The following FBXO41 variants were observed in gnomAD, a reference collection of about 807,000 sequenced individuals.
FBXO41 encodes F-box only protein 41.
FBXO41 carries 33 observed loss-of-function variants against 81.6 expected under a neutral mutation model. That is an observed-to-expected ratio of 0.40 (90% CI 0.31 to 0.54). FBXO41 has a LOEUF of 0.54. FBXO41 is among the 20% of genes least tolerant of loss of function. The probability of loss-of-function intolerance (pLI) is 0.39; values close to 1 mark genes in which losing one functional copy is unlikely to be tolerated. For missense variants in FBXO41, 1,107 were observed against 1,236.0 expected, an observed-to-expected ratio of 0.90 and a Z score of 1.56; for synonymous variants, 576 against 552.7, an observed-to-expected ratio of 1.04 and a Z score of -0.59.
chr2:73,265,853 G>T (rs944444005), intron 4 of FBXO41, 40 bp downstream of exon 4: 35 of 1,553,998 alleles, frequency 2.3e-5, no homozygotes, highest in Non-Finnish European at 3.0e-5. Flanking sequence ...CTTCCAGGGT[G>T]AGGGTGGGCT....
chr2:73,279,924 C>T (rs2103917211), intron 1 of FBXO41, among the ~76,000 whole-genome samples: 1 of 152,202 alleles, frequency 6.6e-6, no homozygotes, highest in South Asian at 2.1e-4. Flanking sequence ...TTAAAAAATG[C>T]TTCTTAGAAG....
chr2:73,264,076 T>C (rs1392992304), intron 6 of FBXO41, 23 bp from the exon 7 acceptor site: 4 of 1,569,992 alleles, frequency 2.5e-6, no homozygotes, highest in Non-Finnish European at 3.5e-6. Context: ...GGAAGGACAT[T>C]TGGAGATGAA....
intron 1 of FBXO41, among the ~76,000 whole-genome samples, chr2:73,277,339 G>A (rs1278363954): frequency 1.3e-5 from 2 of 152,176 alleles, no homozygotes; most frequent in African/African-American, 4.8e-5. Flanking sequence ...CAGGCAAGAG[G>A]GCAATAAAGG....
At position 73,269,949 on chromosome 2, in the gene FBXO41, C is replaced by G. The variant is rs1688440631; in HGVS notation, c.-138-181G>C. Reference sequence around the variant, plus strand: ...GGGCCTGTATGTGTGCAAGAGACAGCGAGAGAATGAGATAATCTGTTTTTA... The same window carrying G: ...GGGCCTGTATGTGTGCAAGAGACAGGGAGAGAATGAGATAATCTGTTTTTA... On this transcript the variant is annotated intron_variant, in intron 1 of 12. Transcript: ENST00000520530. The surrounding 1 kb of genome is among the most constrained non-coding windows in gnomAD (Gnocchi z 7.0). Among the ~76,000 whole-genome samples the G allele has an allele frequency of 6.6e-6, 1 of 152,038 alleles. No homozygotes were observed. The highest frequency in any genetic ancestry group is 1.5e-5 in the Non-Finnish European group (1 of 68,004).
At chr2:73,281,066 C>T (rs1299921257) in intron 1 of FBXO41, among the ~76,000 whole-genome samples, 1 of 152,178 alleles carries the variant, frequency 6.6e-6, no homozygotes, top group African/African-American at 2.4e-5. Flanking sequence ...CTCAATGCTG[C>T]AGCTTTGCTC....
chr2:73,273,816 A>G (rs535512505), intron 1 of FBXO41, among the ~76,000 whole-genome samples: 1 of 152,166 alleles, frequency 6.6e-6, no homozygotes, highest in South Asian at 2.1e-4. Flanking sequence ...GTCTCTAGTA[A>G]TGAGACTCCA....
At chr2:73,273,997 T>C (rs1186594144) in intron 1 of FBXO41, among the ~76,000 whole-genome samples, 1 of 152,196 alleles carries the variant, frequency 6.6e-6, no homozygotes, top group Non-Finnish European at 1.5e-5. Context: ...TCCAAGTGCT[T>C]TCAACCCAAC....
intron 1 of FBXO41, among the ~76,000 whole-genome samples, chr2:73,283,176 C>T (rs375108297): frequency 2.6e-5 from 4 of 152,214 alleles, no homozygotes; most frequent in Non-Finnish European, 4.4e-5. Context: ...CCCTATTAGG[C>T]CCCTGTGGGT....
rs1688296636 is a variant in FBXO41, at chr2:73,266,785, T to C, written c.906-103A>G. 3.5e-6 allele frequency: 5 copies of C among 1,421,586 alleles called. No individual in the cohort carries two copies. The highest frequency in any genetic ancestry group is 1.5e-5 in the African/African-American group (1 of 68,182). 88.1% of individuals were successfully genotyped at this position (1,421,586 alleles called of 1,614,324 possible). On this transcript the variant is annotated intron_variant, in intron 2 of 12. Coordinates refer to ENST00000520530, the MANE Select transcript of FBXO41 (RefSeq NM_001371389.2). This position sits in a 1 kb window ranked among gnomAD's most constrained non-coding sequence, Gnocchi z 5.3. ...GCGGGGAGACACTGGCACAGCTGCC[T>C]GCGGTGTCTGCTTATGGTCACATGG...
chr2:73,269,936 G>A lies in FBXO41; in HGVS notation c.-138-168C>T, dbSNP rs181538694. On this transcript the variant is annotated intron_variant, in intron 1 of 12. Transcript: ENST00000520530. This position sits in a 1 kb window ranked among gnomAD's most constrained non-coding sequence, Gnocchi z 7.0. ...GGCACCTGTGCGAGGGCCTGTATGT[G>A]TGCAAGAGACAGCGAGAGAATGAGA... Among the ~76,000 whole-genome samples, 832 of 152,344 alleles carry A rather than the reference G, an allele frequency of 5.5e-3. 5 individuals are homozygous for A. Among genetic ancestry groups the A allele is most frequent in the Non-Finnish European group, 7.9e-3 (535 of 68,028 alleles).
In FBXO41 at chr2:73,255,463, G is replaced by A. The variant is rs1024943992; in HGVS notation, c.*3519C>T. On this transcript the variant is annotated 3_prime_UTR_variant, in exon 13 of 13. Coordinates refer to ENST00000520530, the MANE Select transcript of FBXO41 (RefSeq NM_001371389.2). ...CTGGGTGAGAAAGCATGGCCACTGG[G>A]TTGGAGAGAAGGGCCAGGCCCCCAG... 1.3e-5 allele frequency: 2 copies of A among 153,038 alleles called. No individual in the cohort carries two copies. Among genetic ancestry groups the A allele is most frequent in the Admixed American group, 1.3e-4 (2 of 15,294 alleles). The allele number at this position is 153,038 out of a possible 1,614,324, so 9.5% of individuals were successfully genotyped here.
intron 1 of FBXO41, among the ~76,000 whole-genome samples, chr2:73,282,073 C>T (rs1688864275): frequency 6.6e-6 from 1 of 152,180 alleles, no homozygotes; most frequent in African/African-American, 2.4e-5. Flanking sequence ...TGGCTCACCC[C>T]AACCTCTGCC....
At position 73,269,414 on chromosome 2, in the gene FBXO41, G is replaced by C. The variant is rs1009979196; in HGVS notation, c.217C>G (p.Leu73Val). The change falls in exon 2 of 13, where the codon CTG (leucine) becomes GTG (valine). Residue 73 changes from leucine to valine, a missense_variant. Leu to Val is a conservative substitution (Grantham distance 32). Coordinates refer to ENST00000520530, the MANE Select transcript of FBXO41 (RefSeq NM_001371389.2). The surrounding 1 kb of genome is among the most constrained non-coding windows in gnomAD (Gnocchi z 7.0). ...GFPLAPEPAA[L>V]LAVPGARREV... Reference sequence around the variant, plus strand: ...CGCCGGGCGCCGGGCACGGCCAGCAGGGCGGCGGGCTCGGGAGCCAGCGGG... The same window carrying C: ...CGCCGGGCGCCGGGCACGGCCAGCACGGCGGCGGGCTCGGGAGCCAGCGGG... 3 of 1,409,248 alleles carry C rather than the reference G, an allele frequency of 2.1e-6. No homozygotes were observed. The highest frequency in any genetic ancestry group is 3.0e-5 in the African/African-American group (2 of 66,466). 87.3% of individuals were successfully genotyped at this position (1,409,248 alleles called of 1,614,324 possible). A position where few individuals can be genotyped will look rare whatever the true frequency, so the allele number is the denominator to read the frequency against.
At position 73,265,322 on chromosome 2, in the gene FBXO41, C is replaced by A; in HGVS notation, c.1524G>T (p.Gly508=). The change falls in exon 5 of 13, where the codon GGG becomes GGT. Residue 508 remains glycine (G), a synonymous_variant. Coordinates refer to ENST00000520530, the MANE Select transcript of FBXO41 (RefSeq NM_001371389.2). ...TGCTCAATGGCCCAGCCATAGCAGGCCCGGGGCGGGGCGCATCCAACGGGC... is the reference window on the plus strand; with the variant it reads ...TGCTCAATGGCCCAGCCATAGCAGGACCGGGGCGGGGCGCATCCAACGGGC... ...AEGPLDAPRP[G]PAMAGPLSSC... 1 of 1,610,790 alleles carries A rather than the reference C, an allele frequency of 6.2e-7. No homozygotes were observed. The highest frequency in any genetic ancestry group is 1.1e-5 in the South Asian group (1 of 91,008).
chr2:73,259,375 A>G lies in FBXO41; in HGVS notation c.2450-79T>C. The stretch of plus-strand genomic sequence containing the variant: ...CTCCTCTCCTCTCACTAATTAATGA[A>G]ATCAGACAATCAGGTGCCAGCTACC... On this transcript the variant is annotated intron_variant, in intron 11 of 12. Coordinates refer to ENST00000520530, the MANE Select transcript of FBXO41 (RefSeq NM_001371389.2). The surrounding 1 kb of genome is among the most constrained non-coding windows in gnomAD (Gnocchi z 4.2). 1 of 1,174,970 alleles carries G rather than the reference A, an allele frequency of 8.5e-7. No individual in the cohort carries two copies. 72.8% of individuals were successfully genotyped at this position (1,174,970 alleles called of 1,614,324 possible).
intron 1 of FBXO41, among the ~76,000 whole-genome samples, chr2:73,280,096 C>T (rs1688803572): frequency 6.6e-6 from 1 of 150,772 alleles, no homozygotes; most frequent in South Asian, 2.1e-4. Flanking sequence ...ATACTCAGCA[C>T]CCTGGATAGC....
chr2:73,266,026 G>A lies in FBXO41; in HGVS notation c.1132-60C>T. The A allele has an allele frequency of 6.9e-7, 1 of 1,449,212 alleles. No individual in the cohort carries two copies. The highest frequency in any genetic ancestry group is 9.5e-7 in the Non-Finnish European group (1 of 1,056,054). 89.8% of individuals were successfully genotyped at this position (1,449,212 alleles called of 1,614,324 possible). A position where few individuals can be genotyped will look rare whatever the true frequency, so the allele number is the denominator to read the frequency against. On this transcript the variant is annotated intron_variant, in intron 3 of 12. Coordinates refer to ENST00000520530, the MANE Select transcript of FBXO41 (RefSeq NM_001371389.2). This position sits in a 1 kb window ranked among gnomAD's most constrained non-coding sequence, Gnocchi z 5.3. ...GGCGGAGGAGGCAAGAGGATGAGCA[G>A]GAATAGCAGGGGAAACAGGGCAAAA...
At position 73,259,155 on chromosome 2, in the gene FBXO41, G is replaced by A; in HGVS notation, c.2565+26C>T. ...GTCTAGGGATGCCACTTGGGGTCTT[G>A]GACAGCCTCAGAGCTGACCCCTCAC... is the stretch of plus-strand genomic sequence containing the variant. On this transcript the variant is annotated intron_variant, in intron 12 of 12. Transcript: ENST00000520530. This position sits in a 1 kb window ranked among gnomAD's most constrained non-coding sequence, Gnocchi z 4.2. The A allele has an allele frequency of 6.2e-7, 1 of 1,613,366 alleles. No homozygotes were observed. Among genetic ancestry groups the A allele is most frequent in the Non-Finnish European group, 8.5e-7 (1 of 1,179,330 alleles).
Position 73,263,230 on chromosome 2 carries a change from C to G in FBXO41, c.2154G>C (p.Val718=), listed in dbSNP as rs1688083623. ...AGCREIVSLQ[V]APLHPCQQPT... ...GGGCTCACCAGGGGTGAAGTGGTGC[C>G]ACTTGGAGGGAGACGATCTCTCTGC... Residue 718 remains valine, a synonymous_variant, in exon 9 of 13, where the codon GTG becomes GTC. Coordinates refer to ENST00000520530, the MANE Select transcript of FBXO41 (RefSeq NM_001371389.2). 2 of 1,556,592 alleles carry G rather than the reference C, an allele frequency of 1.3e-6. No individual in the cohort carries two copies. Among genetic ancestry groups the G allele is most frequent in the Non-Finnish European group, 1.7e-6 (2 of 1,149,764 alleles).
Sources: allele counts gnomAD v4.1 joint callset (sites outside exome capture counted in the v4.1 genomes callset), GRCh38; gene constraint gnomAD v4.1.1; non-coding constraint Gnocchi (gnomAD v3.1); transcripts MANE v1.5; gene names NCBI Gene and HGNC (gene_info 2026-07-23, HGNC 2026-07-21).